Variants in CTDSPL2 observed in about 807,000 individuals in gnomAD.
CTDSPL2 encodes the protein CTD small phosphatase-like protein 2.
A neutral mutation model predicts 60.0 loss-of-function variants in CTDSPL2; 5 were observed. The observed-to-expected ratio is 0.08, with a 90% CI of 0.04 to 0.18. The LOEUF (loss-of-function observed/expected upper bound fraction) is 0.18. Among genes scored for constraint, CTDSPL2 ranks in the 10% least tolerant of loss-of-function variants. CTDSPL2 has a pLI of 1.00. For missense variants in CTDSPL2, 370 were observed against 548.8 expected, an observed-to-expected ratio of 0.67 and a Z score of 3.26; for synonymous variants, 186 against 189.3, an observed-to-expected ratio of 0.98 and a Z score of 0.14.
chr15:44,517,959 T>C (rs967422293), intron 10 of CTDSPL2, among the ~76,000 whole-genome samples: 2 of 152,244 alleles, frequency 1.3e-5, no homozygotes, highest in African/African-American at 4.8e-5. Flanking sequence ...TTATTAAAGT[T>C]ATTCCTTATA....
chr15:44,437,257 C>T (rs1380154409), intron 1 of CTDSPL2, among the ~76,000 whole-genome samples: 1 of 151,428 alleles, frequency 6.6e-6, no homozygotes, highest in Non-Finnish European at 1.5e-5. Context: ...TTAGCAAATA[C>T]ATTTGTAAAG....
At chr15:44,479,128 TATA>T (rs1384150971) in intron 2 of CTDSPL2, among the ~76,000 whole-genome samples, 11 of 151,436 alleles carry the variant, frequency 7.3e-5, no homozygotes, top group African/African-American at 2.7e-4. Flanking sequence ...GGCCATCAGC[TATA>T]GTCCTGGCTA....
At chr15:44,455,463 T>G (rs546736256) in intron 1 of CTDSPL2, among the ~76,000 whole-genome samples, 1 of 152,204 alleles carries the variant, frequency 6.6e-6, no homozygotes, top group African/African-American at 2.4e-5. Context: ...CTATGTTGAA[T>G]AGGAGTGGTG....
At chr15:44,493,263 TATAG>T (rs1172210546) in intron 5 of CTDSPL2, among the ~76,000 whole-genome samples, 2 of 152,086 alleles carry the variant, frequency 1.3e-5, no homozygotes, top group Non-Finnish European at 2.9e-5. Flanking sequence ...ATCATGAGAG[TATAG>T]ATAGAGGCAT....
chr15:44,474,287 T>G lies in CTDSPL2; in HGVS notation c.187-9937T>G, dbSNP rs182407108. Reference sequence around the variant, plus strand: ...GGGTGGATTGCCTGAGCTCAGGAGTTCAAGACCAGCTTGGGCAACATGGTG... The same window carrying G: ...GGGTGGATTGCCTGAGCTCAGGAGTGCAAGACCAGCTTGGGCAACATGGTG... On this transcript the variant is annotated intron_variant, in intron 2 of 12. Coordinates refer to ENST00000260327, the MANE Select transcript of CTDSPL2 (RefSeq NM_016396.3). 1.7e-4 allele frequency among the ~76,000 whole-genome samples: 26 copies of G among 152,126 alleles called. No homozygotes were observed. In the East Asian group the frequency reaches 5.1e-3, roughly 30 times the overall value.
chr15:44,456,526 C>T (rs1233490593), intron 1 of CTDSPL2, among the ~76,000 whole-genome samples: 1 of 152,170 alleles, frequency 6.6e-6, no homozygotes, highest in African/African-American at 2.4e-5. Flanking sequence ...AGTTTATTTG[C>T]ATAGAGGTGT....
At position 44,525,532 on chromosome 15, in the gene CTDSPL2, A is replaced by G; in HGVS notation, c.*1358A>G. 1 of 398,868 alleles carries G rather than the reference A, an allele frequency of 2.5e-6. No individual in the cohort carries two copies. Among genetic ancestry groups the G allele is most frequent in the Non-Finnish European group, 4.4e-6 (1 of 225,902 alleles). The allele number at this position is 398,868 out of a possible 1,614,324, so 24.7% of individuals were successfully genotyped here. A position where few individuals can be genotyped will look rare whatever the true frequency, so the allele number is the denominator to read the frequency against. ...ACTGTTTTTGTGTAAAGGATGTCAA[A>G]GAACGGCACTTTTTCTAAAGAGAAG... On this transcript the variant is annotated 3_prime_UTR_variant, in exon 13 of 13. Coordinates refer to ENST00000260327, the MANE Select transcript of CTDSPL2 (RefSeq NM_016396.3).
At chr15:44,455,306 TAAG>T (rs1461255485) in intron 1 of CTDSPL2, among the ~76,000 whole-genome samples, 1 of 152,246 alleles carries the variant, frequency 6.6e-6, no homozygotes, top group African/African-American at 2.4e-5. Context: ...CTTATCAGCT[TAAG>T]GAGATTTTGG....
At chr15:44,463,415 T>TA (rs1489278344) in intron 2 of CTDSPL2, among the ~76,000 whole-genome samples, 1 of 152,234 alleles carries the variant, frequency 6.6e-6, no homozygotes, top group Non-Finnish European at 1.5e-5. Context: ...GTGCTGGGAT[T>TA]ACAGACATGA....
intron 1 of CTDSPL2, among the ~76,000 whole-genome samples, chr15:44,450,617 G>C (rs1464725083): frequency 1.1e-5 from 1 of 93,310 alleles, no homozygotes; most frequent in Non-Finnish European, 1.9e-5. Flanking sequence ...TTTTTTTTGA[G>C]ACTGAGTCTC....
chr15:44,449,684 A>G (rs1367694541), intron 1 of CTDSPL2, among the ~76,000 whole-genome samples: 1 of 151,896 alleles, frequency 6.6e-6, no homozygotes, highest in African/African-American at 2.4e-5. Context: ...GCGAAACACC[A>G]TTTCTACTAA....
At chr15:44,470,799 G>C (rs192457100) in intron 2 of CTDSPL2, among the ~76,000 whole-genome samples, 35 of 152,158 alleles carry the variant, frequency 2.3e-4, no homozygotes, top group Non-Finnish European at 4.6e-4. Flanking sequence ...TAATATGTTT[G>C]AGTTTAAAGT....
At chr15:44,506,412 CTTTTTTT>C (rs764238056) in intron 8 of CTDSPL2, among the ~76,000 whole-genome samples, 16 of 112,394 alleles carry the variant, frequency 1.4e-4, no homozygotes, top group African/African-American at 2.2e-4. Context: ...CCTACTTTGA[CTTTTTTT>C]TTTTTTTTTT....
At chr15:44,434,355 G>A (rs1034145937) in intron 1 of CTDSPL2, among the ~76,000 whole-genome samples, 5 of 152,128 alleles carry the variant, frequency 3.3e-5, no homozygotes, top group Admixed American at 1.3e-4. Flanking sequence ...AGCTGAGATC[G>A]TGCCACTGCA....
In CTDSPL2 at chr15:44,514,592, C is replaced by G; in HGVS notation, c.970-6C>G. On this transcript the variant is annotated splice_polypyrimidine_tract_variant and splice_region_variant and intron_variant, in intron 8 of 12. Coordinates refer to ENST00000260327, the MANE Select transcript of CTDSPL2 (RefSeq NM_016396.3). Reference sequence around the variant, plus strand: ...TTTGCTGAAACTTATCTTTGTATTTCCTTAGGTTTATGTGAGATTAAGACC... The same window carrying G: ...TTTGCTGAAACTTATCTTTGTATTTGCTTAGGTTTATGTGAGATTAAGACC... The G allele has an allele frequency of 6.4e-7, 1 of 1,570,692 alleles. No homozygotes were observed. Among genetic ancestry groups the G allele is most frequent in the Non-Finnish European group, 8.8e-7 (1 of 1,141,178 alleles).
intron 10 of CTDSPL2, among the ~76,000 whole-genome samples, chr15:44,515,574 T>A (rs1367666042): frequency 1.3e-5 from 2 of 152,126 alleles, no homozygotes; most frequent in Non-Finnish European, 2.9e-5. Context: ...AAACGGCTCA[T>A]AAAAGCTTTA....
At chr15:44,467,828 G>A (rs901217711) in intron 2 of CTDSPL2, among the ~76,000 whole-genome samples, 1 of 152,162 alleles carries the variant, frequency 6.6e-6, no homozygotes, top group African/African-American at 2.4e-5. Flanking sequence ...ACTCGCCTCG[G>A]CCTCCCGAAG....
At chr15:44,466,052 A>G (rs1191434240) in intron 2 of CTDSPL2, among the ~76,000 whole-genome samples, 1 of 151,726 alleles carries the variant, frequency 6.6e-6, no homozygotes, top group Non-Finnish European at 1.5e-5. Context: ...CTCCTGCCTC[A>G]GCTTCCTGAG....
intron 2 of CTDSPL2, among the ~76,000 whole-genome samples, chr15:44,473,980 C>T (rs1444306379): frequency 6.6e-6 from 1 of 152,124 alleles, no homozygotes; most frequent in Non-Finnish European, 1.5e-5. Flanking sequence ...AGGTTTGCAT[C>T]ACCACACCGG....
Sources: gnomAD v4.1 joint callset for allele counts (sites outside exome capture counted in the v4.1 genomes callset) on GRCh38, gnomAD v4.1.1 for gene constraint, MANE v1.5 for transcripts, NCBI Gene and HGNC (gene_info 2026-07-23, HGNC 2026-07-21) for gene names.